KIF3A: variants seen among roughly 807,000 people sequenced by gnomAD.
KIF3A encodes kinesin family member 3A.
Under a neutral mutation model 92.6 loss-of-function variants are expected in KIF3A, and 27 were observed. That is an observed-to-expected ratio of 0.29 (90% CI 0.21 to 0.40). The LOEUF is 0.40. Ranked by LOEUF, KIF3A falls within the 10% of genes least tolerant of loss-of-function variation. The pLI is 1.00. For synonymous variants in KIF3A, 250 were observed against 275.4 expected, an observed-to-expected ratio of 0.91 and a Z score of 0.92; for missense variants, 581 against 872.6, an observed-to-expected ratio of 0.67 and a Z score of 4.21.
At chr5:132,689,834 G>A (rs1752621393), downstream of KIF3A, 1 of 152,128 alleles carries the variant, frequency 6.6e-6, no homozygotes, top group African/African-American at 2.4e-5. Context: ...TCTACACACA[G>A]GTAAGAGTTT....
At position 132,716,886 on chromosome 5, in the gene KIF3A, T is replaced by C. The variant is rs759314163; in HGVS notation, c.715A>G (p.Met239Val). 1.9e-6 allele frequency: 3 copies of C among 1,614,090 alleles called. No individual in the cohort carries two copies. The highest frequency in any genetic ancestry group is 2.2e-5 in the East Asian group (1 of 44,858). Residue 239 changes from methionine (M) to valine (V), a missense_variant, in exon 6 of 19, where the codon ATG becomes GTG. By Grantham distance (21) the Met-to-Val change is conservative. Transcript: ENST00000403231. ...ECSEKGIDGNMHVRMGKLHLV... is the reference protein window; with the variant it reads ...ECSEKGIDGNVHVRMGKLHLV... ...TGGAGCTTCCCCATCCTGACATGCA[T>C]GTTACCATCAATGCCTTTTTCACTG...
At position 132,734,362 on chromosome 5, in the gene KIF3A, C is replaced by G; in HGVS notation, c.123G>C (p.Glu41Asp). Residue 41 changes from glutamate (E) to aspartate (D), a missense_variant, in exon 2 of 19, where the codon GAG (glutamate) becomes GAC (aspartate). By Grantham distance (45) the Glu-to-Asp change is conservative. This residue lies in a region of KIF3A where 217 missense variants were observed against 299.7 expected (regional missense o/e 0.72). Coordinates refer to ENST00000403231, the MANE Select transcript of KIF3A (RefSeq NM_001300791.2). ...MCYKQAVSVD[E>D]MRGTITVHKT... ...TATGTACAGTGATAGTTCCCCTCAT[C>G]TCATCCACACTGACAGCCTGTTTGT... 6.2e-7 allele frequency: 1 copy of G among 1,614,142 alleles called. No individual in the cohort carries two copies.
chr5:132,706,968 C>T (rs1167174598), intron 10 of KIF3A, among the ~76,000 whole-genome samples: 4 of 152,108 alleles, frequency 2.6e-5, no homozygotes, highest in African/African-American at 4.8e-5. Flanking sequence ...TATAGGCATG[C>T]TTCACTTTAA....
intron 4 of KIF3A, among the ~76,000 whole-genome samples, chr5:132,722,321 G>T (rs1057051609): frequency 1.3e-5 from 2 of 152,106 alleles, no homozygotes; most frequent in African/African-American, 4.8e-5. Context: ...TGCTACCAAA[G>T]AATTTTTATC....
chr5:132,718,284 G>A (rs1753702842), intron 5 of KIF3A, among the ~76,000 whole-genome samples: 3 of 152,126 alleles, frequency 2.0e-5, no homozygotes, highest in Admixed American at 6.5e-5. Context: ...TTCCAGCTCT[G>A]TGTAGGCACA....
intron 4 of KIF3A, among the ~76,000 whole-genome samples, chr5:132,724,303 A>G (rs2149914339): frequency 6.6e-6 from 1 of 152,330 alleles, no homozygotes; most frequent in South Asian, 2.1e-4. Flanking sequence ...CTGGGTATAT[A>G]TCCAAAGGAA....
intron 8 of KIF3A, among the ~76,000 whole-genome samples, chr5:132,715,039 CCTCTGATCT>C (rs1753570338): frequency 6.6e-6 from 1 of 152,178 alleles, no homozygotes; most frequent in Non-Finnish European, 1.5e-5. Context: ...CTGAATTTCA[CCTCTGATCT>C]AGTCAGTCTT....
chr5:132,695,002 T>A lies in KIF3A; in HGVS notation c.*1632A>T, dbSNP rs1438703715. On this transcript the variant is annotated 3_prime_UTR_variant, in exon 19 of 19. Transcript: ENST00000403231. ...CACCCCTACTCTATACACAGCTTTG[T>A]CATTTAAACTAGGATTTAACAAAAC... 1 of 152,234 alleles carries A rather than the reference T, an allele frequency of 6.6e-6. No individual in the cohort carries two copies. Among genetic ancestry groups the A allele is most frequent in the South Asian group, 2.1e-4 (1 of 4,824 alleles). The allele number at this position is 152,234 out of a possible 1,614,324, so 9.4% of individuals were successfully genotyped here.
chr5:132,717,189 C>T lies in KIF3A; in HGVS notation c.617-205G>A, dbSNP rs541893035. Among the ~76,000 whole-genome samples the T allele has an allele frequency of 3.3e-4, 50 of 152,176 alleles. No individual in the cohort carries two copies. The South Asian group carries it at 4.4e-3, about 13-fold the overall frequency. ...TTGATAACAAATTTGTAAGGTTTCT[C>T]ATATTAAAGACATAACTTTAGCAAA... On this transcript the variant is annotated intron_variant, in intron 5 of 18. Transcript: ENST00000403231.
At chr5:132,708,473 T>C (rs1210564126) in intron 10 of KIF3A, among the ~76,000 whole-genome samples, 2 of 152,174 alleles carry the variant, frequency 1.3e-5, no homozygotes, top group Admixed American at 6.5e-5. Flanking sequence ...GTGTAAAAAA[T>C]TTGTAATTGT....
chr5:132,716,104 C>T (rs761285527), intron 7 of KIF3A, 141 bp downstream of exon 7: 33 of 845,376 alleles, frequency 3.9e-5, no homozygotes, highest in Non-Finnish European at 5.7e-5. Context: ...GGCTAATACA[C>T]GAGTGTACCA....
At chr5:132,729,577 T>C (rs1028015234) in intron 2 of KIF3A, among the ~76,000 whole-genome samples, 1 of 152,186 alleles carries the variant, frequency 6.6e-6, no homozygotes, top group African/African-American at 2.4e-5. Flanking sequence ...TGAGATTAAA[T>C]TAGAAACCAA....
intron 5 of KIF3A, among the ~76,000 whole-genome samples, chr5:132,718,322 T>C (rs1346842433): frequency 6.6e-6 from 1 of 152,222 alleles, no homozygotes; most frequent in Non-Finnish European, 1.5e-5. Context: ...TTTTGTTGTT[T>C]TGTTTGAGAC....
At chr5:132,708,009 C>T (rs1045404009) in intron 10 of KIF3A, among the ~76,000 whole-genome samples, 1 of 152,248 alleles carries the variant, frequency 6.6e-6, no homozygotes, top group Non-Finnish European at 1.5e-5. Flanking sequence ...ATCAGCCGGG[C>T]GCAGTGGCTC....
chr5:132,716,552 C>T (rs1753630429), intron 6 of KIF3A, 110 bp from the exon 7 acceptor site: 1 of 853,098 alleles, frequency 1.2e-6, no homozygotes, highest in Non-Finnish European at 1.8e-6. Flanking sequence ...GATATGATGC[C>T]TGAATTCACT....
At chr5:132,723,342 G>A (rs1209928506) in intron 4 of KIF3A, 2 of 152,216 alleles carry the variant, frequency 1.3e-5, no homozygotes, top group Admixed American at 6.5e-5. Flanking sequence ...GCATTGCCAA[G>A]TCAATTCTAA....
chr5:132,700,599 AG>A, intron 16 of KIF3A, 47 bp downstream of exon 16: 1 of 1,272,428 alleles, frequency 7.9e-7, no homozygotes, highest in Non-Finnish European at 1.1e-6. Flanking sequence ...TCTAGACCAT[AG>A]GAAGTACTCT....
chr5:132,718,028 A>G (rs1753692889), intron 5 of KIF3A, among the ~76,000 whole-genome samples: 1 of 152,212 alleles, frequency 6.6e-6, no homozygotes, highest in Admixed American at 6.5e-5. Flanking sequence ...CAGAAAGCAT[A>G]AAGTGAAAGC....
chr5:132,717,668 G>A lies in KIF3A; in HGVS notation c.617-684C>T, dbSNP rs146778823. 5.6e-3 allele frequency among the ~76,000 whole-genome samples: 850 copies of A among 151,316 alleles called. 1 individual carries two copies. The highest frequency in any genetic ancestry group is 0.019 in the African/African-American group (770 of 41,254). On this transcript the variant is annotated intron_variant, in intron 5 of 18. Coordinates refer to ENST00000403231, the MANE Select transcript of KIF3A (RefSeq NM_001300791.2). ...AAAAAATCCATTCAAAATATGCAAA[G>A]TATTTGCATATGTGTAAATATATGA...
Sources: allele counts gnomAD v4.1 joint callset (sites outside exome capture counted in the v4.1 genomes callset), GRCh38; gene constraint gnomAD v4.1.1; regional missense constraint gnomAD v4.1.1; transcripts MANE v1.5; gene names NCBI Gene and HGNC (gene_info 2026-07-23, HGNC 2026-07-21).